The following PCSK6 variants were observed in gnomAD, a reference collection of about 807,000 sequenced individuals.
PCSK6 encodes the protein proprotein convertase subtilisin/kexin type 6, also known as paired basic amino acid cleaving enzyme 4.
In PCSK6, 85 loss-of-function variants were observed where a neutral mutation model predicts 123.3. The ratio of observed to expected loss-of-function variants is 0.69; its 90% CI spans 0.58 to 0.83. The LOEUF is 0.83. Among genes scored for constraint, PCSK6 ranks in the 40% least tolerant of loss-of-function variants. PCSK6 has a pLI of 0.00. For synonymous variants in PCSK6, 508 were observed against 516.0 expected (o/e 0.98, Z 0.21); for missense variants, 1,191 against 1,282.3 (o/e 0.93, Z 1.09).
chr15:101,396,209 C>T lies in PCSK6; in HGVS notation c.996+2195G>A, dbSNP rs537049014. 2.6e-5 allele frequency among the ~76,000 whole-genome samples: 4 copies of T among 152,240 alleles called. No homozygotes were observed. In the East Asian group the frequency reaches 7.7e-4, roughly 29 times the overall value. ...AAACTGTGACAAGAATGAGGGGAAA[C>T]CACGTGGTCCCCTCTGCAACTTCCC... is the stretch of plus-strand genomic sequence containing the variant. On this transcript the variant is annotated intron_variant, in intron 7 of 21. Coordinates refer to ENST00000611716, the MANE Select transcript of PCSK6 (RefSeq NM_002570.5).
chr15:101,432,154 T>C, intron 2 of PCSK6, 54 bp from the exon 3 acceptor site: 1 of 1,453,486 alleles, frequency 6.9e-7, no homozygotes, highest in Non-Finnish European at 9.5e-7. Context: ...CTTGATTTTA[T>C]GTAGCCTCTT....
chr15:101,432,013 T>A lies in PCSK6; in HGVS notation c.490A>T (p.Ile164Phe). ...ACCAGGTACCACATGTTGGACCAAATGGGGTCGTTGAAGTAAAGGGCCTGC... is the reference window on the plus strand; with the variant it reads ...ACCAGGTACCACATGTTGGACCAAAAGGGGTCGTTGAAGTAAAGGGCCTGC... ...DPQALYFNDP[I>F]WSNMWYLHCG... is the part of the protein sequence containing the mutation. Residue 164 changes from isoleucine to phenylalanine, a missense_variant, in exon 3 of 22, where the codon ATT (isoleucine) becomes TTT (phenylalanine). By Grantham distance (21) the Ile-to-Phe change is conservative (BLOSUM62 0). This residue lies in a region of PCSK6 where 357 missense variants were observed against 484.5 expected (regional missense o/e 0.74). Coordinates refer to ENST00000611716, the MANE Select transcript of PCSK6 (RefSeq NM_002570.5). 6.2e-7 allele frequency: 1 copy of A among 1,613,394 alleles called. No individual in the cohort carries two copies. Among genetic ancestry groups the A allele is most frequent in the Non-Finnish European group, 8.5e-7 (1 of 1,179,658 alleles).
At chr15:101,313,233 G>A (rs759148269) in intron 20 of PCSK6, 143 bp downstream of exon 20, 23 of 1,553,470 alleles carry the variant, frequency 1.5e-5, no homozygotes, top group East Asian at 2.4e-5. Context: ...CCCCTCAGCA[G>A]CTCTGTAAAT....
intron 1 of PCSK6, among the ~76,000 whole-genome samples, chr15:101,455,877 A>G (rs1008472235): frequency 6.6e-6 from 1 of 152,238 alleles, no homozygotes; most frequent in South Asian, 2.1e-4. Flanking sequence ...CTTGGCTTGT[A>G]AACTAAAAAT....
At chr15:101,359,259 C>T (rs1596228881) in intron 13 of PCSK6, among the ~76,000 whole-genome samples, 1 of 152,274 alleles carries the variant, frequency 6.6e-6, no homozygotes, top group South Asian at 2.1e-4. Context: ...TCCAGTAGGC[C>T]CTAGAAGGTC....
At chr15:101,367,557 T>A (rs1189039092) in intron 12 of PCSK6, among the ~76,000 whole-genome samples, 1 of 152,208 alleles carries the variant, frequency 6.6e-6, no homozygotes, top group Non-Finnish European at 1.5e-5. Context: ...ATTTTCACAC[T>A]CGATGCCAAG....
intron 6 of PCSK6, among the ~76,000 whole-genome samples, chr15:101,420,190 C>CAAAAAAA (rs369741613): frequency 2.4e-5 from 2 of 84,454 alleles, no homozygotes; most frequent in Admixed American, 1.4e-4. Flanking sequence ...GATTCTGTCT[C>CAAAAAAA]AAAAAAAAAA....
At chr15:101,349,692 G>C (rs578052762) in intron 13 of PCSK6, among the ~76,000 whole-genome samples, 13 of 152,152 alleles carry the variant, frequency 8.5e-5, no homozygotes, top group Non-Finnish European at 1.8e-4. Flanking sequence ...GCTGATGAGG[G>C]AGTCATCAGT....
intron 1 of PCSK6, among the ~76,000 whole-genome samples, chr15:101,457,127 G>C (rs752680145): frequency 6.6e-6 from 1 of 152,086 alleles, no homozygotes; most frequent in Admixed American, 6.5e-5. Flanking sequence ...AGCCAAGATC[G>C]TGCCACCGCA....
chr15:101,387,128 A>C (rs1358021158), intron 9 of PCSK6, among the ~76,000 whole-genome samples: 1 of 152,136 alleles, frequency 6.6e-6, no homozygotes, highest in East Asian at 1.9e-4. Context: ...GTCCGTGTCC[A>C]GTGGCTCAGT....
Position 101,331,908 on chromosome 15 carries a change from T to C in PCSK6, c.1982A>G (p.Lys661Arg), listed in dbSNP as rs1596192526. Residue 661 changes from lysine to arginine, a missense_variant, in exon 14 of 22, where the codon AAG becomes AGG. By Grantham distance (26) the Lys-to-Arg change is conservative (BLOSUM62 2). Around this residue, in one of 3 missense-constraint regions of PCSK6, gnomAD observed 630 missense variants for 631.4 expected, o/e 1.00. Coordinates refer to ENST00000611716, the MANE Select transcript of PCSK6 (RefSeq NM_002570.5). ...CACCTGGGAGGGTGACAGGGCAGCC[T>C]TGGGTGGCTCCAGCTCTGGGGCTGA... ...ELSAPELEPP[K>R]AALSPSQVEV... 1 of 1,613,906 alleles carries C rather than the reference T, an allele frequency of 6.2e-7. No homozygotes were observed. The highest frequency in any genetic ancestry group is 1.6e-4 in the Middle Eastern group (1 of 6,062).
chr15:101,366,270 C>T lies in PCSK6; in HGVS notation c.1784G>A (p.Gly595Glu). ...GGTCCACTGCCCTTCAGCCTTTTCT[C>T]CCCAGCAGTGGACAGTCATGAATTC... ...NWEFMTVHCW[G>E]EKAEGQWTLE... Residue 595 changes from glycine to glutamate, a missense_variant, in exon 13 of 22, where the codon GGA becomes GAA. Coordinates refer to ENST00000611716, the MANE Select transcript of PCSK6 (RefSeq NM_002570.5). The T allele has an allele frequency of 6.2e-7, 1 of 1,613,806 alleles. No individual in the cohort carries two copies. Among genetic ancestry groups the T allele is most frequent in the Non-Finnish European group, 8.5e-7 (1 of 1,179,790 alleles).
chr15:101,396,254 T>C (rs1278776021), intron 7 of PCSK6, among the ~76,000 whole-genome samples: 1 of 152,106 alleles, frequency 6.6e-6, no homozygotes, highest in Non-Finnish European at 1.5e-5. Context: ...GACAGCTGGA[T>C]GAAACCAACA....
At chr15:101,326,055 C>T (rs537193594) in intron 16 of PCSK6, among the ~76,000 whole-genome samples, 1 of 152,382 alleles carries the variant, frequency 6.6e-6, no homozygotes, top group South Asian at 2.1e-4. Flanking sequence ...TGAATCGCAT[C>T]CGTCTCCAGG....
intron 15 of PCSK6, among the ~76,000 whole-genome samples, chr15:101,329,762 C>T (rs2040335432): frequency 6.6e-6 from 1 of 152,254 alleles, no homozygotes; most frequent in African/African-American, 2.4e-5. Context: ...TTCCTTTGCT[C>T]AACCATGGCT....
chr15:101,440,334 ATGAC>A (rs1205820267), intron 2 of PCSK6, among the ~76,000 whole-genome samples: 1 of 152,250 alleles, frequency 6.6e-6, no homozygotes, highest in Non-Finnish European at 1.5e-5. Context: ...TGCAAGGAAA[ATGAC>A]TGTACCATTC....
chr15:101,319,991 G>A (rs946974868), intron 18 of PCSK6, among the ~76,000 whole-genome samples: 7 of 152,258 alleles, frequency 4.6e-5, no homozygotes, highest in Admixed American at 2.0e-4. Context: ...TGTGGGACTC[G>A]TGATTGACAT....
At chr15:101,487,903 A>G (rs1165613113) in intron 1 of PCSK6, among the ~76,000 whole-genome samples, 1 of 152,218 alleles carries the variant, frequency 6.6e-6, no homozygotes, top group East Asian at 1.9e-4. Flanking sequence ...ATATGGATAT[A>G]CATGTGCGTA....
intron 1 of PCSK6, among the ~76,000 whole-genome samples, chr15:101,485,420 A>G (rs1296179854): frequency 1.3e-5 from 2 of 152,136 alleles, no homozygotes; most frequent in Non-Finnish European, 2.9e-5. Flanking sequence ...TTTACATAGA[A>G]TTTTTATCTT....
Sources: gnomAD v4.1 joint callset for allele counts (sites outside exome capture counted in the v4.1 genomes callset) on GRCh38, gnomAD v4.1.1 for gene constraint, gnomAD v4.1.1 regional missense constraint, MANE v1.5 for transcripts, NCBI Gene and HGNC (gene_info 2026-07-23, HGNC 2026-07-21) for gene names.